TMEM164: variants seen among roughly 807,000 people sequenced by gnomAD.
TMEM164 encodes the protein RP13-360B22.2.
Under a neutral mutation model 18.8 loss-of-function variants are expected in TMEM164, and 4 were observed. That is an observed-to-expected ratio of 0.21 (90% CI 0.10 to 0.49). The LOEUF (loss-of-function observed/expected upper bound fraction) is 0.49, where lower values mean the gene tolerates loss of function less well. Among genes scored for constraint, TMEM164 ranks in the 20% least tolerant of loss-of-function variants. The pLI is 0.98. For synonymous variants in TMEM164, 86 were observed against 101.7 expected (o/e 0.85, Z 0.93); for missense variants, 108 against 239.9 (o/e 0.45, Z 3.63).
At chrX:110,122,478 T>C (rs902011829) in intron 4 of TMEM164, among the ~76,000 whole-genome samples, 1 of 104,550 alleles carries the variant, frequency 9.6e-6, no homozygotes, top group Non-Finnish European at 2.0e-5. Context: ...TAATGCTAAA[T>C]GACGAGTTAA....
chrX:110,147,072 TG>T (rs1405304721), intron 5 of TMEM164, among the ~76,000 whole-genome samples: 1 of 111,843 alleles, frequency 8.9e-6, no homozygotes, highest in Non-Finnish European at 1.9e-5. Flanking sequence ...TCCTATGGTT[TG>T]GGGTGGGTGG....
intron 3 of TMEM164, among the ~76,000 whole-genome samples, chrX:110,092,030 G>A (rs191208233): frequency 3.7e-3 from 416 of 111,544 alleles, no homozygotes; most frequent in Non-Finnish European, 5.3e-3. Flanking sequence ...GATGTGTGGT[G>A]CTATTTCTGA....
At chrX:110,072,296 CAAA>C (rs56056315) in intron 3 of TMEM164, among the ~76,000 whole-genome samples, 1 of 46,313 alleles carries the variant, frequency 2.2e-5, no homozygotes, top group Non-Finnish European at 3.8e-5. Flanking sequence ...GACTCCATCT[CAAA>C]AAAAAAAAAA....
chrX:110,076,206 G>A (rs756978074), intron 3 of TMEM164, among the ~76,000 whole-genome samples: 2 of 110,339 alleles, frequency 1.8e-5, no homozygotes, highest in East Asian at 5.7e-4. Flanking sequence ...ATTCTTGGGA[G>A]GTTGTGTGTT....
chrX:110,126,264 A>G (rs57281621), intron 4 of TMEM164, among the ~76,000 whole-genome samples: 4,647 of 111,487 alleles, frequency 0.042, 272 homozygotes, highest in African/African-American at 0.15. Context: ...AGGACGAGGG[A>G]ATCCTGCCAC....
At chrX:110,156,100 G>C (rs141273936) in intron 5 of TMEM164, among the ~76,000 whole-genome samples, 1 of 111,057 alleles carries the variant, frequency 9.0e-6, no homozygotes, top group African/African-American at 3.3e-5. Context: ...AAACTTATCT[G>C]CTGACAGGTT....
chrX:110,056,039 C>T (rs1250262074), intron 2 of TMEM164, among the ~76,000 whole-genome samples: 1 of 111,375 alleles, frequency 9.0e-6, no homozygotes, highest in African/African-American at 3.3e-5. Flanking sequence ...AATCATATAC[C>T]ATATAATTCA....
At chrX:110,125,797 C>T (rs1281170333) in intron 4 of TMEM164, among the ~76,000 whole-genome samples, 2 of 112,452 alleles carry the variant, frequency 1.8e-5, no homozygotes, top group Non-Finnish European at 3.8e-5. Context: ...AAAAATGGAA[C>T]TCAAAGGAGA....
At chrX:110,169,945 G>A (rs759134027) in intron 5 of TMEM164, among the ~76,000 whole-genome samples, 5 of 111,308 alleles carry the variant, frequency 4.5e-5, no homozygotes, top group African/African-American at 1.6e-4. Flanking sequence ...GAGAGTTGGG[G>A]CATTTGAGTT....
chrX:110,149,497 C>T (rs933150861), intron 5 of TMEM164, among the ~76,000 whole-genome samples: 2 of 111,809 alleles, frequency 1.8e-5, no homozygotes, highest in Non-Finnish European at 1.9e-5. Context: ...TCGGGGCTTC[C>T]AAAGTTCCTC....
At chrX:110,162,132 G>A (rs1246006602) in intron 5 of TMEM164, among the ~76,000 whole-genome samples, 1 of 112,825 alleles carries the variant, frequency 8.9e-6, no homozygotes, top group East Asian at 2.8e-4. Context: ...AGAACGAGTT[G>A]AAACCTTGTT....
chrX:110,059,149 T>C (rs1319996961), intron 2 of TMEM164, among the ~76,000 whole-genome samples: 1 of 111,364 alleles, frequency 9.0e-6, no homozygotes, highest in African/African-American at 3.3e-5. Context: ...TTTGAGTGAA[T>C]TTTTGTATAT....
chrX:110,176,475 C>T lies in TMEM164; in HGVS notation c.*3024C>T. ...TCTTTCTCTCTCTCTCCTCAAACTT[C>T]ATCGCATTCATAGAAGCTGCTTGCA... On this transcript the variant is annotated 3_prime_UTR_variant, in exon 7 of 7. Transcript: ENST00000372068. 1 of 738,494 alleles carries T rather than the reference C, an allele frequency of 1.4e-6. No homozygotes were observed. The highest frequency in any genetic ancestry group is 1.6e-6 in the Non-Finnish European group (1 of 623,435). The allele number at this position is 738,494 out of a possible 1,213,427, so 60.9% of individuals were successfully genotyped here.
At chrX:110,039,927 A>C (rs1198716846) in intron 2 of TMEM164, among the ~76,000 whole-genome samples, 1 of 111,536 alleles carries the variant, frequency 9.0e-6, no homozygotes, top group Non-Finnish European at 1.9e-5. Context: ...GGGGTGGCTC[A>C]GAGGGTGAGG....
At chrX:110,090,431 G>C (rs2065909104) in intron 3 of TMEM164, among the ~76,000 whole-genome samples, 1 of 109,157 alleles carries the variant, frequency 9.2e-6, no homozygotes, top group African/African-American at 3.3e-5. Context: ...TCGGCCTCCT[G>C]AGTAGCTGGG....
chrX:110,166,759 C>T (rs1391990114), intron 5 of TMEM164, among the ~76,000 whole-genome samples: 1 of 111,988 alleles, frequency 8.9e-6, no homozygotes, highest in Non-Finnish European at 1.9e-5. Context: ...CAAAAAATGT[C>T]ACATTTTTTC....
At chrX:110,141,238 T>C (rs924493080) in intron 4 of TMEM164, among the ~76,000 whole-genome samples, 4 of 112,369 alleles carry the variant, frequency 3.6e-5, no homozygotes, top group South Asian at 3.7e-4. Context: ...CTTTGGATGT[T>C]ATTTAATTTC....
chrX:110,085,308 A>G (rs2065835294), intron 3 of TMEM164, among the ~76,000 whole-genome samples: 1 of 84,848 alleles, frequency 1.2e-5, no homozygotes, highest in African/African-American at 4.7e-5. Flanking sequence ...CTACAGGAAA[A>G]CACCACCATG....
intron 5 of TMEM164, among the ~76,000 whole-genome samples, chrX:110,157,600 G>A (rs2067035061): frequency 9.0e-6 from 1 of 111,670 alleles, no homozygotes; most frequent in Admixed American, 9.5e-5. Context: ...GATGACAACT[G>A]CTGAGAATGA....
Sources: gnomAD v4.1 joint callset for allele counts (sites outside exome capture counted in the v4.1 genomes callset) on GRCh38, gnomAD v4.1.1 for gene constraint, MANE v1.5 for transcripts, NCBI Gene and HGNC (gene_info 2026-07-23, HGNC 2026-07-21) for gene names.